SLF2: variants seen among roughly 807,000 people sequenced by gnomAD.
SLF2 encodes the protein SMC5/6 complex localization factor 2.
SLF2 carries 68 observed loss-of-function variants against 124.3 expected under a neutral mutation model. The ratio of observed to expected loss-of-function variants is 0.55; its 90% CI spans 0.45 to 0.67. SLF2 has a LOEUF of 0.67. SLF2 is among the 30% of genes least tolerant of loss of function. The pLI is 0.00. For synonymous variants in SLF2, 480 were observed against 478.8 expected (o/e 1.00, Z -0.03); for missense variants, 1,246 against 1,373.7 (o/e 0.91, Z 1.47).
intron 11 of SLF2, 87 bp from the exon 12 acceptor site, chr10:100,943,939 T>C (rs535661634): frequency 1.3e-6 from 1 of 775,606 alleles, no homozygotes; most frequent in Admixed American, 3.2e-5. Context: ...CGATAAAACA[T>C]AGTTTTTAAA....
intron 19 of SLF2, among the ~76,000 whole-genome samples, chr10:100,960,775 C>CT (rs1245078765): frequency 9.3e-5 from 14 of 151,108 alleles, no homozygotes; most frequent in Non-Finnish European, 1.9e-4. Flanking sequence ...ATTTTTGACA[C>CT]TTTTTTTTGA....
In SLF2 at chr10:100,930,961, A is replaced by G. The variant is rs1849721159; in HGVS notation, c.2334-15A>G. On this transcript the variant is annotated splice_polypyrimidine_tract_variant and intron_variant, in intron 8 of 19. Transcript: ENST00000238961. Reference sequence around the variant, plus strand: ...TGAAGTTAATAGCCATGTTGATTTTACTTTATTTTTTCAGATCGGGAAAAA... The same window carrying G: ...TGAAGTTAATAGCCATGTTGATTTTGCTTTATTTTTTCAGATCGGGAAAAA... 15 of 1,602,642 alleles carry G rather than the reference A, an allele frequency of 9.4e-6. No homozygotes were observed. The highest frequency in any genetic ancestry group is 1.3e-5 in the Non-Finnish European group (15 of 1,170,232).
chr10:100,956,136 A>G (rs1050107357), intron 17 of SLF2, among the ~76,000 whole-genome samples: 2 of 151,386 alleles, frequency 1.3e-5, no homozygotes, highest in African/African-American at 4.9e-5. Flanking sequence ...GTTAGCGAGT[A>G]TGTTAAAGGA....
chr10:100,926,134 T>C (rs1419197279), intron 6 of SLF2, 115 bp downstream of exon 6: 3 of 1,574,314 alleles, frequency 1.9e-6, no homozygotes, highest in African/African-American at 1.4e-5. Context: ...TTTTGGACTC[T>C]GTTGTCAACT....
intron 9 of SLF2, among the ~76,000 whole-genome samples, chr10:100,931,618 T>C (rs1327053557): frequency 3.3e-5 from 5 of 152,168 alleles, no homozygotes; most frequent in African/African-American, 1.2e-4. Context: ...AGTGGTATCA[T>C]TGATGCTTAT....
At position 100,929,355 on chromosome 10, in the gene SLF2, G is replaced by A. The variant is rs868367930; in HGVS notation, c.2081G>A (p.Arg694Lys). ...CAGAAGCAACTACAAGAAGACATAA[G>A]GCAAGGCCGAGGCATTAAATCCCCA... Reference protein sequence around the residue: ...ELQKQLQEDIRQGRGIKSPIR... With the variant: ...ELQKQLQEDIKQGRGIKSPIR... The change falls in exon 7 of 20, where the codon AGG (arginine) becomes AAG (lysine). Residue 694 changes from arginine (R) to lysine (K), a missense_variant. This residue lies in a region of SLF2 where 535 missense variants were observed against 632.8 expected (regional missense o/e 0.85). Transcript: ENST00000238961. 1.2e-6 allele frequency: 2 copies of A among 1,613,210 alleles called. No individual in the cohort carries two copies. Among genetic ancestry groups the A allele is most frequent in the Non-Finnish European group, 1.7e-6 (2 of 1,179,394 alleles).
intron 17 of SLF2, among the ~76,000 whole-genome samples, chr10:100,955,100 C>T (rs1261905291): frequency 3.9e-5 from 6 of 151,964 alleles, no homozygotes; most frequent in Non-Finnish European, 5.9e-5. Flanking sequence ...CCACCACGCC[C>T]GGCTAATTTT....
In SLF2 at chr10:100,931,045, G is replaced by C. The variant is rs1849724223; in HGVS notation, c.2403G>C (p.Gln801His). 6.2e-7 allele frequency: 1 copy of C among 1,613,916 alleles called. No individual in the cohort carries two copies. The highest frequency in any genetic ancestry group is 1.3e-5 in the African/African-American group (1 of 74,906). ...TTACGTCTGCTTATCACTATGTCCA[G>C]TGTCCTGTCCCTGTGTTAAAGTGGC... ...GFLTSAYHYV[Q>H]CPVPVLKWLF... The change falls in exon 9 of 20, where the codon CAG (glutamine) becomes CAC (histidine). Residue 801 changes from glutamine to histidine, a missense_variant. Gln to His is a conservative substitution (Grantham distance 24). This residue lies in a region of SLF2 where 535 missense variants were observed against 632.8 expected (regional missense o/e 0.85). Transcript: ENST00000238961.
At chr10:100,958,171 T>C (rs1850367738) in intron 18 of SLF2, among the ~76,000 whole-genome samples, 2 of 152,246 alleles carry the variant, frequency 1.3e-5, no homozygotes, top group East Asian at 1.9e-4. Flanking sequence ...TTTTGCCTCT[T>C]GTCTTTGGAT....
Position 100,962,048 on chromosome 10 carries a change from A to T in SLF2, c.*136A>T. On this transcript the variant is annotated 3_prime_UTR_variant, in exon 20 of 20. Coordinates refer to ENST00000238961, the MANE Select transcript of SLF2 (RefSeq NM_018121.4). ...CAAATGTGCCACTTGAATATCTAGT[A>T]TGAAGCTGGTAATGAAGAAATTGCC... 1.3e-6 allele frequency: 1 copy of T among 751,810 alleles called. No homozygotes were observed. The highest frequency in any genetic ancestry group is 2.1e-6 in the Non-Finnish European group (1 of 475,162). 46.6% of individuals were successfully genotyped at this position (751,810 alleles called of 1,614,324 possible). A position where few individuals can be genotyped will look rare whatever the true frequency, so the allele number is the denominator to read the frequency against.
chr10:100,949,779 A>G (rs1850175835), intron 15 of SLF2, among the ~76,000 whole-genome samples: 1 of 152,034 alleles, frequency 6.6e-6, no homozygotes, highest in East Asian at 1.9e-4. Context: ...TATTTTTAGT[A>G]GAGGCGGGGT....
In SLF2 at chr10:100,964,744, G is replaced by T. The variant is rs537429241; in HGVS notation, c.*2832G>T. On this transcript the variant is annotated 3_prime_UTR_variant, in exon 20 of 20. Transcript: ENST00000238961. ...GGACTGGCCAGTAATAATGTGTGGC[G>T]TCTTTAAGCCAAGAGTAATTTTTAA... The T allele has an allele frequency of 3.3e-5, 5 of 152,398 alleles. No individual in the cohort carries two copies. In the South Asian group the frequency reaches 1.0e-3, roughly 32 times the overall value. 9.4% of individuals were successfully genotyped at this position (152,398 alleles called of 1,614,324 possible). A position where few individuals can be genotyped will look rare whatever the true frequency, so the allele number is the denominator to read the frequency against.
In SLF2 at chr10:100,916,944, G is replaced by C; in HGVS notation, c.559G>C (p.Asp187His). 2 of 1,614,140 alleles carry C rather than the reference G, an allele frequency of 1.2e-6. No homozygotes were observed. The highest frequency in any genetic ancestry group is 1.7e-6 in the Non-Finnish European group (2 of 1,180,036). The change falls in exon 3 of 20, where the codon GAT becomes CAT. Residue 187 changes from aspartate (D) to histidine (H), a missense_variant. Asp to His is a moderately conservative substitution (Grantham distance 81). Around this residue, in one of 3 missense-constraint regions of SLF2, gnomAD observed 698 missense variants for 708.9 expected, o/e 0.98. Coordinates refer to ENST00000238961, the MANE Select transcript of SLF2 (RefSeq NM_018121.4). Reference protein sequence around the residue: ...LFIHENNEKNDRDRGKTNADS... With the variant: ...LFIHENNEKNHRDRGKTNADS... ...CATTCATGAAAATAATGAGAAGAAT[G>C]ATAGAGATCGAGGCAAAACCAATGC... is the stretch of plus-strand genomic sequence containing the variant.
At chr10:100,957,272 A>G (rs1196833090) in intron 18 of SLF2, among the ~76,000 whole-genome samples, 1 of 150,336 alleles carries the variant, frequency 6.7e-6, no homozygotes, top group African/African-American at 2.5e-5. Context: ...GTACAAATAG[A>G]TTAGCTGTTA....
chr10:100,937,258 G>C, intron 9 of SLF2, 144 bp from the exon 10 acceptor site: 1 of 695,638 alleles, frequency 1.4e-6, no homozygotes, highest in Admixed American at 2.2e-5. Context: ...GTATCCGCCC[G>C]CCTTAGCCTC....
rs1224688496 is a variant in SLF2, at chr10:100,917,082, G to A, written c.697G>A (p.Gly233Arg). Residue 233 changes from glycine (G) to arginine (R), a missense_variant, in exon 3 of 20, where the codon GGA becomes AGA. This residue lies in a region of SLF2 where 698 missense variants were observed against 708.9 expected (regional missense o/e 0.98). Transcript: ENST00000238961. Reference protein sequence around the residue: ...SRHHPEESPLGAKFQLSLASY... With the variant: ...SRHHPEESPLRAKFQLSLASY... Reference sequence around the variant, plus strand: ...GCACCACCCGGAAGAAAGCCCACTGGGAGCTAAATTCCAGTTGTCACTAGC... The same window carrying A: ...GCACCACCCGGAAGAAAGCCCACTGAGAGCTAAATTCCAGTTGTCACTAGC... 1.9e-6 allele frequency: 3 copies of A among 1,614,136 alleles called. No homozygotes were observed. In the Admixed American group the frequency reaches 5.0e-5, roughly 27 times the overall value.
In SLF2 at chr10:100,944,955, G is replaced by A. The variant is rs190242007; in HGVS notation, c.2758-375G>A. Among the ~76,000 whole-genome samples, 188 of 151,218 alleles carry A rather than the reference G, an allele frequency of 1.2e-3. 1 individual carries two copies. The Middle Eastern group carries it at 0.021, about 17-fold the overall frequency. ...TGAGGCGGGAGAATCACTTGAACCCGGGAGGTGGAGGTTGCAGTAAGCCGA... is the reference window on the plus strand; with the variant it reads ...TGAGGCGGGAGAATCACTTGAACCCAGGAGGTGGAGGTTGCAGTAAGCCGA... On this transcript the variant is annotated intron_variant, in intron 12 of 19. Coordinates refer to ENST00000238961, the MANE Select transcript of SLF2 (RefSeq NM_018121.4).
intron 19 of SLF2, among the ~76,000 whole-genome samples, chr10:100,959,854 A>C (rs1257846151): frequency 6.6e-6 from 1 of 152,212 alleles, no homozygotes; most frequent in African/African-American, 2.4e-5. Flanking sequence ...AGTGAATAAC[A>C]TCACCATAGT....
intron 13 of SLF2, among the ~76,000 whole-genome samples, 173 bp downstream of exon 13, chr10:100,945,679 T>G (rs1850091272): frequency 6.6e-6 from 1 of 152,170 alleles, no homozygotes; most frequent in Non-Finnish European, 1.5e-5. Context: ...ATAATTGAAT[T>G]TTTTCTAAAA....
Sources: gnomAD v4.1 joint callset for allele counts (sites outside exome capture counted in the v4.1 genomes callset) on GRCh38, gnomAD v4.1.1 for gene constraint, gnomAD v4.1.1 regional missense constraint, MANE v1.5 for transcripts, NCBI Gene and HGNC (gene_info 2026-07-23, HGNC 2026-07-21) for gene names.